The following REEP3 variants were observed in gnomAD, a reference collection of about 807,000 sequenced individuals.
REEP3 encodes receptor expression-enhancing protein 3.
A neutral mutation model predicts 41.3 loss-of-function variants in REEP3; 20 were observed. The observed-to-expected ratio is 0.48, with a 90% CI of 0.34 to 0.70. REEP3 has a LOEUF of 0.70. Among genes scored for constraint, REEP3 ranks in the 30% least tolerant of loss-of-function variants. The probability of loss-of-function intolerance (pLI) is 0.01; values close to 1 mark genes in which losing one functional copy is unlikely to be tolerated. For missense variants in REEP3, 271 were observed against 308.8 expected (o/e 0.88, Z 0.92); for synonymous variants, 104 against 101.8 (o/e 1.02, Z -0.13).
At chr10:63,580,176 G>A (rs963486169) in intron 2 of REEP3, among the ~76,000 whole-genome samples, 10 of 152,012 alleles carry the variant, frequency 6.6e-5, no homozygotes, top group South Asian at 2.1e-4. Flanking sequence ...TTGCTCTGTC[G>A]CCCAGGCTGG....
intron 6 of REEP3, among the ~76,000 whole-genome samples, chr10:63,612,588 C>T (rs1956284270): frequency 6.6e-6 from 1 of 152,096 alleles, no homozygotes; most frequent in South Asian, 2.1e-4. Context: ...GTTAGGAGTT[C>T]GAGACCAGCC....
At chr10:63,594,229 CA>C (rs66606088) in intron 2 of REEP3, among the ~76,000 whole-genome samples, 7 of 146,658 alleles carry the variant, frequency 4.8e-5, no homozygotes, top group African/African-American at 1.5e-4. Flanking sequence ...AAAAAAAAAC[CA>C]AAAAAAATTT....
At chr10:63,536,658 T>C (rs1363217695) in intron 1 of REEP3, among the ~76,000 whole-genome samples, 5 of 151,632 alleles carry the variant, frequency 3.3e-5, no homozygotes, top group African/African-American at 1.2e-4. Flanking sequence ...TTCTTTAAAA[T>C]CAGTAAGAAA....
intron 1 of REEP3, among the ~76,000 whole-genome samples, chr10:63,553,803 T>A (rs145304307): frequency 6.6e-6 from 1 of 152,234 alleles, no homozygotes; most frequent in East Asian, 1.9e-4. Context: ...CAGAAGCTTT[T>A]TAAAACTTAG....
At chr10:63,542,089 T>TG (rs1955533971) in intron 1 of REEP3, among the ~76,000 whole-genome samples, 1 of 150,712 alleles carries the variant, frequency 6.6e-6, no homozygotes, top group Admixed American at 6.6e-5. Context: ...GTTTTTGTTT[T>TG]TTTTTTTTGA....
At position 63,556,639 on chromosome 10, in the gene REEP3, T is replaced by TTG. The variant is rs1955688079; in HGVS notation, c.33-9698_33-9697insGT. On this transcript the variant is annotated intron_variant, in intron 1 of 7. Transcript: ENST00000373758. ...GTTTTTTTTTTTGTTGTTTTGTTTT[T>TTG]TTTTTTTTTTTTTTGAGACGGAGTC... Among the ~76,000 whole-genome samples, 2 of 90,426 alleles carry TTG rather than the reference T, an allele frequency of 2.2e-5. 1 individual carries two copies. Among genetic ancestry groups the TTG allele is most frequent in the African/African-American group, 7.8e-5 (2 of 25,772 alleles). 59.3% of individuals were successfully genotyped at this position (90,426 alleles called of 152,430 possible). A position where few individuals can be genotyped will look rare whatever the true frequency, so the allele number is the denominator to read the frequency against.
rs1387154411 is a variant in REEP3, at chr10:63,625,073, TA to T, written c.*4205del. 6.6e-6 allele frequency: 1 copy of T among 152,162 alleles called. No homozygotes were observed. The highest frequency in any genetic ancestry group is 2.4e-5 in the African/African-American group (1 of 41,468). 9.4% of individuals were successfully genotyped at this position (152,162 alleles called of 1,614,324 possible). On this transcript the variant is annotated 3_prime_UTR_variant, in exon 8 of 8. Coordinates refer to ENST00000373758, the MANE Select transcript of REEP3 (RefSeq NM_001001330.3). ...ATTTTCATTTTCATTATGAGGTATA[TA>T]CTTGTAATGATCTAAAGAGGTTAGA... is the stretch of plus-strand genomic sequence containing the variant.
At chr10:63,548,987 T>C (rs777907337) in intron 1 of REEP3, among the ~76,000 whole-genome samples, 4 of 152,104 alleles carry the variant, frequency 2.6e-5, no homozygotes, top group Non-Finnish European at 4.4e-5. Flanking sequence ...GTTTTTTTTT[T>C]TTAAATGCAC....
Position 63,620,872 on chromosome 10 carries a change from A to T in REEP3, c.*3A>T. On this transcript the variant is annotated 3_prime_UTR_variant, in exon 8 of 8. Transcript: ENST00000373758. ...AACGACCACAAGTGTATTTTTAGTC[A>T]TCTACACGTCAAATATCCCAAGACA... is the stretch of plus-strand genomic sequence containing the variant. 6.3e-7 allele frequency: 1 copy of T among 1,596,660 alleles called. No individual in the cohort carries two copies. The highest frequency in any genetic ancestry group is 8.6e-7 in the Non-Finnish European group (1 of 1,165,836).
intron 2 of REEP3, among the ~76,000 whole-genome samples, chr10:63,572,353 G>C (rs1007586510): frequency 1.3e-5 from 2 of 151,560 alleles, no homozygotes; most frequent in Non-Finnish European, 2.9e-5. Context: ...TGTGCGGAAC[G>C]TGTAGGTTTG....
intron 2 of REEP3, among the ~76,000 whole-genome samples, chr10:63,577,615 C>CT (rs949275023): frequency 1.3e-5 from 2 of 151,496 alleles, no homozygotes; most frequent in Non-Finnish European, 2.9e-5. Flanking sequence ...TTCTTTTTTT[C>CT]TTTTTTTTCC....
In REEP3 at chr10:63,606,181, T is replaced by C. The variant is rs1262539826; in HGVS notation, c.418-4006T>C. 1.2e-5 allele frequency: 8 copies of C among 692,442 alleles called. No individual in the cohort carries two copies. The Admixed American group carries it at 5.1e-4, about 44-fold the overall frequency. 42.9% of individuals were successfully genotyped at this position (692,442 alleles called of 1,614,324 possible). On this transcript the variant is annotated intron_variant, in intron 5 of 7. Transcript: ENST00000373758. Reference sequence around the variant, plus strand: ...TCTAAAGTGCTGAAATATGGAATTATCTTGTGAATGGTAATCCCGCCTTTC... The same window carrying C: ...TCTAAAGTGCTGAAATATGGAATTACCTTGTGAATGGTAATCCCGCCTTTC...
At chr10:63,591,218 A>G (rs796760614) in intron 2 of REEP3, among the ~76,000 whole-genome samples, 2 of 151,408 alleles carry the variant, frequency 1.3e-5, no homozygotes, top group South Asian at 4.2e-4. Context: ...GTGTAGTTTT[A>G]ATAAAAGCAT....
chr10:63,578,181 C>T (rs1209226390), intron 2 of REEP3, among the ~76,000 whole-genome samples: 1 of 152,152 alleles, frequency 6.6e-6, no homozygotes, highest in Non-Finnish European at 1.5e-5. Context: ...CTCAGTGCAA[C>T]CTCCACCTCG....
chr10:63,618,014 G>A (rs1403405568), intron 6 of REEP3, among the ~76,000 whole-genome samples: 22 of 150,810 alleles, frequency 1.5e-4, no homozygotes, highest in African/African-American at 4.4e-4. Flanking sequence ...TAGTAGAGTC[G>A]GGTGTTTCAC....
At chr10:63,578,964 A>C (rs368306548) in intron 2 of REEP3, among the ~76,000 whole-genome samples, 4 of 150,654 alleles carry the variant, frequency 2.7e-5, no homozygotes, top group South Asian at 2.1e-4. Flanking sequence ...TATATACAGC[A>C]TATCACTTCA....
intron 1 of REEP3, 167 bp downstream of exon 1, chr10:63,521,744 C>T (rs1955253957): frequency 2.6e-6 from 1 of 383,644 alleles, no homozygotes; most frequent in Non-Finnish European, 4.6e-6. Context: ...TCACCTTGGT[C>T]CACGTCGCTG....
chr10:63,608,146 G>T (rs1195160081), intron 5 of REEP3, among the ~76,000 whole-genome samples: 1 of 152,182 alleles, frequency 6.6e-6, no homozygotes, highest in East Asian at 1.9e-4. Context: ...ATGAACACTG[G>T]TCACTTCCTC....
chr10:63,588,270 T>C (rs1484672377), intron 2 of REEP3, among the ~76,000 whole-genome samples: 1 of 152,192 alleles, frequency 6.6e-6, no homozygotes, highest in East Asian at 1.9e-4. Flanking sequence ...AGCCCACTCT[T>C]TTCCCTCTGT....
Sources: allele counts gnomAD v4.1 joint callset (sites outside exome capture counted in the v4.1 genomes callset), GRCh38; gene constraint gnomAD v4.1.1; transcripts MANE v1.5; gene names NCBI Gene and HGNC (gene_info 2026-07-23, HGNC 2026-07-21).